The following PAPPA2 variants were observed in gnomAD, a reference collection of about 807,000 sequenced individuals.
PAPPA2 encodes pappalysin 2, also known as pappalysin-2.
PAPPA2 carries 86 observed loss-of-function variants against 176.4 expected under a neutral mutation model. That is an observed-to-expected ratio of 0.49 (90% CI 0.41 to 0.58). PAPPA2 has a LOEUF of 0.58. Ranked by LOEUF, PAPPA2 falls within the 20% of genes least tolerant of loss-of-function variation. PAPPA2 has a pLI of 0.00. For missense variants in PAPPA2, 2,073 were observed against 2,256.9 expected, an observed-to-expected ratio of 0.92 and a Z score of 1.65; for synonymous variants, 809 against 852.2, an observed-to-expected ratio of 0.95 and a Z score of 0.88.
intron 12 of PAPPA2, among the ~76,000 whole-genome samples, chr1:176,735,280 T>C (rs1361174374): frequency 6.6e-6 from 1 of 152,136 alleles, no homozygotes; most frequent in East Asian, 1.9e-4. Flanking sequence ...TCTTCTGGTC[T>C]AAGGTCTTCT....
At chr1:176,689,664 G>A (rs1293646789) in intron 4 of PAPPA2, among the ~76,000 whole-genome samples, 1 of 152,182 alleles carries the variant, frequency 6.6e-6, no homozygotes, top group Admixed American at 6.5e-5. Context: ...ATGTGGAGGG[G>A]CAGGAGTTAG....
intron 3 of PAPPA2, chr1:176,616,447 C>T: frequency 1.5e-6 from 1 of 668,396 alleles, no homozygotes. Flanking sequence ...GCTAGGGCAA[C>T]AAGTACTGGA....
At chr1:176,490,012 G>T (rs1652821828) in intron 1 of PAPPA2, among the ~76,000 whole-genome samples, 2 of 152,166 alleles carry the variant, frequency 1.3e-5, no homozygotes, top group Admixed American at 1.3e-4. Flanking sequence ...TTCTATGCCA[G>T]CTAGACCAGA....
intron 4 of PAPPA2, among the ~76,000 whole-genome samples, chr1:176,675,462 A>C (rs1659238574): frequency 6.6e-6 from 1 of 152,092 alleles, no homozygotes; most frequent in African/African-American, 2.4e-5. Flanking sequence ...CTAATAGGGG[A>C]TCAAATGGAA....
At position 176,595,492 on chromosome 1, in the gene PAPPA2, G is replaced by T; in HGVS notation, c.1888G>T (p.Val630Leu). 6.2e-7 allele frequency: 1 copy of T among 1,614,238 alleles called. No individual in the cohort carries two copies. Among genetic ancestry groups the T allele is most frequent in the Non-Finnish European group, 8.5e-7 (1 of 1,180,044 alleles). Residue 630 changes from valine to leucine, a missense_variant, in exon 3 of 23, where the codon GTG becomes TTG. By Grantham distance (32) the Val-to-Leu change is conservative. This residue lies in a region of PAPPA2 where 1,196 missense variants were observed against 1,330.4 expected (regional missense o/e 0.90). Transcript: ENST00000367662. ...SWNRRDGLCH[V>L]ECNNMLNDFD... ...GAACCGCAGGGATGGGCTCTGTCAC[G>T]TGGAGTGTAACAACATGCTGAACGA...
chr1:176,510,848 CAT>C (rs1412702885), intron 1 of PAPPA2, among the ~76,000 whole-genome samples: 60 of 148,480 alleles, frequency 4.0e-4, no homozygotes, highest in Middle Eastern at 3.2e-3. Flanking sequence ...CACACACACA[CAT>C]ACCCCAAAAA....
At chr1:176,660,526 TA>T (rs1280557803) in intron 3 of PAPPA2, among the ~76,000 whole-genome samples, 2 of 152,100 alleles carry the variant, frequency 1.3e-5, no homozygotes, top group African/African-American at 2.4e-5. Context: ...CTGAATGAAA[TA>T]GGGGCAAATA....
chr1:176,557,045 A>G lies in PAPPA2; in HGVS notation c.723A>G (p.Gln241=), dbSNP rs1651353153. ...AGAGTCCACCGGAGGAAAGCAACCA[A>G]AATGGTGGAGAGGGCTCCTACCGAG... ...VKKSPPEESN[Q]NGGEGSYREA... is the part of the protein sequence containing the mutation. Residue 241 remains glutamine, a synonymous_variant, in exon 2 of 23, where the codon CAA becomes CAG. Coordinates refer to ENST00000367662, the MANE Select transcript of PAPPA2 (RefSeq NM_020318.3). The G allele has an allele frequency of 1.2e-6, 2 of 1,613,598 alleles. No individual in the cohort carries two copies. Among genetic ancestry groups the G allele is most frequent in the South Asian group, 1.1e-5 (1 of 91,002 alleles).
At chr1:176,586,125 AC>A (rs1334276634) in intron 2 of PAPPA2, among the ~76,000 whole-genome samples, 1 of 152,182 alleles carries the variant, frequency 6.6e-6, no homozygotes, top group Non-Finnish European at 1.5e-5. Flanking sequence ...ATCCAGTAGA[AC>A]AGTCACCTCT....
intron 3 of PAPPA2, among the ~76,000 whole-genome samples, chr1:176,632,087 A>G (rs1656370089): frequency 6.6e-6 from 1 of 152,110 alleles, no homozygotes; most frequent in South Asian, 2.1e-4. Context: ...GGTTGAGTGG[A>G]ATTTGGCTTG....
intron 17 of PAPPA2, among the ~76,000 whole-genome samples, chr1:176,785,096 A>G (rs751993740): frequency 4.6e-5 from 7 of 152,160 alleles, no homozygotes; most frequent in Non-Finnish European, 1.0e-4. Flanking sequence ...TAACAAAAAC[A>G]TGAACAGGAT....
In PAPPA2 at chr1:176,699,148, G is replaced by A. The variant is rs1660523737; in HGVS notation, c.2795G>A (p.Ser932Asn). Residue 932 changes from serine (S) to asparagine (N), a missense_variant, in exon 8 of 23, where the codon AGC becomes AAC. Physicochemically the swap from Ser to Asn is conservative, Grantham distance 46 (BLOSUM62 1). Coordinates refer to ENST00000367662, the MANE Select transcript of PAPPA2 (RefSeq NM_020318.3). ...QPCEPSLQAW[S>N]PEVHLYHMNM... ...TGCGAGCCAAGCTTACAGGCCTGGA[G>A]CCCTGAGGTCCACCTGTACCACATG... 2 of 1,614,032 alleles carry A rather than the reference G, an allele frequency of 1.2e-6. No individual in the cohort carries two copies. The highest frequency in any genetic ancestry group is 1.7e-6 in the Non-Finnish European group (2 of 1,179,990).
chr1:176,667,976 G>A (rs1658764162), intron 3 of PAPPA2, among the ~76,000 whole-genome samples: 2 of 152,126 alleles, frequency 1.3e-5, no homozygotes, highest in Admixed American at 6.5e-5. Flanking sequence ...GCCAGCTGTC[G>A]GGGCATGGCA....
intron 12 of PAPPA2, among the ~76,000 whole-genome samples, chr1:176,723,456 A>T (rs985155539): frequency 7.3e-6 from 1 of 136,994 alleles, no homozygotes; most frequent in African/African-American, 2.7e-5. Flanking sequence ...TTAGAAAGTG[A>T]TTTTTAAAGA....
intron 2 of PAPPA2, among the ~76,000 whole-genome samples, chr1:176,586,783 T>G (rs564571770): frequency 2.6e-5 from 4 of 152,322 alleles, no homozygotes; most frequent in African/African-American, 9.6e-5. Context: ...AGTAGAATGA[T>G]TTATATTTCT....
In PAPPA2 at chr1:176,621,394, C is replaced by A. The variant is rs74384930; in HGVS notation, c.1991+25799C>A. Among the ~76,000 whole-genome samples the A allele has an allele frequency of 1.0e-3, 156 of 152,220 alleles. 2 individuals are homozygous for A. In the East Asian group the frequency reaches 0.028, roughly 27 times the overall value. ...ACAGTGATAGACAAACGGGGGATAT[C>A]CTACCTACCGGCCAAAGCTGTTGTT... On this transcript the variant is annotated intron_variant, in intron 3 of 22. Coordinates refer to ENST00000367662, the MANE Select transcript of PAPPA2 (RefSeq NM_020318.3).
chr1:176,498,318 G>C (rs1333993835), intron 1 of PAPPA2, among the ~76,000 whole-genome samples: 1 of 152,062 alleles, frequency 6.6e-6, no homozygotes, highest in Non-Finnish European at 1.5e-5. Context: ...CTAACTGCTT[G>C]TTAGCAATTC....
At chr1:176,767,776 T>A (rs1032682251) in intron 15 of PAPPA2, among the ~76,000 whole-genome samples, 7 of 152,160 alleles carry the variant, frequency 4.6e-5, no homozygotes, top group African/African-American at 1.7e-4. Flanking sequence ...CATGGCACAG[T>A]CAGCAACAGT....
intron 3 of PAPPA2, among the ~76,000 whole-genome samples, chr1:176,626,971 C>T (rs12090061): frequency 0.17 from 26,176 of 150,668 alleles, 2,428 homozygotes; most frequent in Middle Eastern, 0.23. Flanking sequence ...GATCCTCCCA[C>T]CTCGGCCTCT....
Sources: allele counts gnomAD v4.1 joint callset (sites outside exome capture counted in the v4.1 genomes callset), GRCh38; gene constraint gnomAD v4.1.1; regional missense constraint gnomAD v4.1.1; transcripts MANE v1.5; gene names NCBI Gene and HGNC (gene_info 2026-07-23, HGNC 2026-07-21).